The following ATP9B variants were observed in gnomAD, a reference collection of about 807,000 sequenced individuals.
ATP9B encodes ATPase phospholipid transporting 9B, also known as probable phospholipid-transporting ATPase IIB.
In ATP9B, 110 loss-of-function variants were observed where a neutral mutation model predicts 146.1. That is an observed-to-expected ratio of 0.75 (90% CI 0.65 to 0.88). The LOEUF (loss-of-function observed/expected upper bound fraction) is 0.88. Among genes scored for constraint, ATP9B ranks in the 40% least tolerant of loss-of-function variants. The pLI is 0.00. For missense variants in ATP9B, 1,499 were observed against 1,496.4 expected (o/e 1.00, Z -0.03); for synonymous variants, 604 against 569.7 (o/e 1.06, Z -0.86).
chr18:79,070,539 G>GA (rs1303426924), intron 1 of ATP9B, among the ~76,000 whole-genome samples: 1 of 152,248 alleles, frequency 6.6e-6, no homozygotes, highest in Non-Finnish European at 1.5e-5. Flanking sequence ...TGCTTGGTTG[G>GA]AAGTGGGTTC....
chr18:79,261,489 A>G (rs893505514), intron 12 of ATP9B, among the ~76,000 whole-genome samples: 6 of 152,134 alleles, frequency 3.9e-5, no homozygotes, highest in Admixed American at 6.5e-5. Flanking sequence ...AGGGCACGCC[A>G]AGGACTGTGA....
chr18:79,141,513 T>A (rs1407876299), intron 5 of ATP9B, among the ~76,000 whole-genome samples: 2 of 152,198 alleles, frequency 1.3e-5, no homozygotes, highest in Non-Finnish European at 2.9e-5. Context: ...GAAAAAAATA[T>A]GTCATTAGAT....
At chr18:79,321,546 G>A (rs1449120464) in intron 15 of ATP9B, among the ~76,000 whole-genome samples, 1 of 152,096 alleles carries the variant, frequency 6.6e-6, no homozygotes, top group Non-Finnish European at 1.5e-5. Flanking sequence ...ACCACTCCTG[G>A]CTATGTTTAA....
chr18:79,283,123 C>T (rs1186597018), intron 13 of ATP9B, among the ~76,000 whole-genome samples: 1 of 152,160 alleles, frequency 6.6e-6, no homozygotes, highest in Admixed American at 6.5e-5. Context: ...TTTTGTATTC[C>T]ATATTTTAGT....
chr18:79,316,959 G>T (rs148830493), intron 15 of ATP9B, among the ~76,000 whole-genome samples: 1 of 152,312 alleles, frequency 6.6e-6, no homozygotes, highest in East Asian at 1.9e-4. Flanking sequence ...TAATAAACAA[G>T]TAGGCTTAAA....
At chr18:79,211,310 A>G (rs573436360) in intron 10 of ATP9B, among the ~76,000 whole-genome samples, 1 of 152,360 alleles carries the variant, frequency 6.6e-6, no homozygotes, top group East Asian at 1.9e-4. Context: ...ATAATTTTGC[A>G]TGAAATTTTC....
intron 8 of ATP9B, among the ~76,000 whole-genome samples, chr18:79,181,616 T>TA (rs2095253360): frequency 6.6e-6 from 1 of 152,180 alleles, no homozygotes; most frequent in Non-Finnish European, 1.5e-5. Context: ...TTTCCTTCTG[T>TA]AACTCAATTT....
chr18:79,315,819 A>G (rs1263942671), intron 15 of ATP9B, among the ~76,000 whole-genome samples: 1 of 152,220 alleles, frequency 6.6e-6, no homozygotes, highest in Non-Finnish European at 1.5e-5. Flanking sequence ...GAGATTACTT[A>G]ACTGTGTTGC....
chr18:79,226,583 G>A (rs1041635131), intron 11 of ATP9B, among the ~76,000 whole-genome samples: 5 of 152,196 alleles, frequency 3.3e-5, no homozygotes, highest in African/African-American at 4.8e-5. Context: ...GTTTGCTTAG[G>A]TGCCTCATCT....
chr18:79,227,075 A>G (rs1024045785), intron 11 of ATP9B, among the ~76,000 whole-genome samples: 11 of 152,138 alleles, frequency 7.2e-5, no homozygotes, highest in Admixed American at 2.0e-4. Context: ...TTGGTGGGCT[A>G]TAACCTGTTA....
At chr18:79,347,671 G>T in intron 23 of ATP9B, 99 bp from the exon 24 acceptor site, 1 of 1,346,042 alleles carries the variant, frequency 7.4e-7, no homozygotes, top group South Asian at 1.8e-5. Flanking sequence ...AGAGAATTTC[G>T]GTCTTTGTAA....
chr18:79,359,669 A>G (rs2096975923), intron 26 of ATP9B: 1 of 552,626 alleles, frequency 1.8e-6, no homozygotes. Flanking sequence ...CATCTCAGGG[A>G]AAAAAATTTC....
At chr18:79,344,135 T>G in intron 20 of ATP9B, 130 bp from the exon 21 acceptor site, 1 of 852,916 alleles carries the variant, frequency 1.2e-6, no homozygotes, top group South Asian at 1.6e-5. Context: ...GTCCAAATAC[T>G]AAAGCTCCTT....
At chr18:79,136,098 C>T (rs992945542) in intron 5 of ATP9B, among the ~76,000 whole-genome samples, 1 of 152,164 alleles carries the variant, frequency 6.6e-6, no homozygotes, top group Non-Finnish European at 1.5e-5. Context: ...AAAGGGCCTA[C>T]ATCTAACAAC....
chr18:79,287,833 T>G (rs1354054696), intron 13 of ATP9B, among the ~76,000 whole-genome samples: 3 of 149,966 alleles, frequency 2.0e-5, no homozygotes, highest in Non-Finnish European at 4.5e-5. Context: ...TTCTCGTTGG[T>G]TTCAAAGAAC....
intron 12 of ATP9B, among the ~76,000 whole-genome samples, chr18:79,270,718 C>T (rs2096245956): frequency 6.6e-6 from 1 of 152,086 alleles, no homozygotes; most frequent in Non-Finnish European, 1.5e-5. Context: ...AATCTCGGTG[C>T]TCACCTTTCC....
intron 26 of ATP9B, chr18:79,362,007 C>T (rs2096992463): frequency 6.4e-6 from 1 of 156,880 alleles, no homozygotes; most frequent in South Asian, 2.0e-4. Context: ...GTAACAACAG[C>T]ATAAAGGGCC....
chr18:79,177,261 G>A (rs1464881635), intron 8 of ATP9B, among the ~76,000 whole-genome samples: 3 of 151,698 alleles, frequency 2.0e-5, no homozygotes, highest in Non-Finnish European at 4.4e-5. Context: ...TAAGTGATAG[G>A]TTGTCACTCT....
At chr18:79,177,345 C>T (rs1057330291) in intron 8 of ATP9B, among the ~76,000 whole-genome samples, 1 of 152,204 alleles carries the variant, frequency 6.6e-6, no homozygotes, top group African/African-American at 2.4e-5. Context: ...AAGTGATGCT[C>T]TCTCCACAGT....
Sources: gnomAD v4.1 joint callset for allele counts (sites outside exome capture counted in the v4.1 genomes callset) on GRCh38, gnomAD v4.1.1 for gene constraint, MANE v1.5 for transcripts, NCBI Gene and HGNC (gene_info 2026-07-23, HGNC 2026-07-21) for gene names.